SH3RF3: variants seen among roughly 807,000 people sequenced by gnomAD.
The protein encoded by SH3RF3 is SH3 domain containing ring finger 3.
In SH3RF3, 29 loss-of-function variants were observed where a neutral mutation model predicts 66.3. The observed-to-expected ratio is 0.44, with a 90% confidence interval of 0.33 to 0.60. The LOEUF (loss-of-function observed/expected upper bound fraction) is 0.60. Among genes scored for constraint, SH3RF3 ranks in the 20% least tolerant of loss-of-function variants. SH3RF3 has a pLI of 0.04. For synonymous variants in SH3RF3, 583 were observed against 532.0 expected (o/e 1.10, Z -1.32); for missense variants, 1,194 against 1,190.9 (o/e 1.00, Z -0.04).
chr2:109,221,581 CAAAAAAA>C (rs60310731), intron 1 of SH3RF3, among the ~76,000 whole-genome samples: 3 of 63,346 alleles, frequency 4.7e-5, no homozygotes, highest in Admixed American at 1.6e-4. Flanking sequence ...GACTCCATCT[CAAAAAAA>C]AAAAAAAAAA....
At chr2:109,137,781 A>T (rs1187507375) in intron 1 of SH3RF3, among the ~76,000 whole-genome samples, 2 of 152,164 alleles carry the variant, frequency 1.3e-5, no homozygotes, top group African/African-American at 4.8e-5. Flanking sequence ...GCGTTCAAAG[A>T]CTAATCGGTT....
intron 8 of SH3RF3, among the ~76,000 whole-genome samples, chr2:109,451,217 C>A (rs7586354): frequency 0.013 from 2,030 of 152,374 alleles, 48 homozygotes; most frequent in African/African-American, 0.047. Flanking sequence ...AGGGCAACAG[C>A]TGCTCTGTGT....
intron 8 of SH3RF3, among the ~76,000 whole-genome samples, chr2:109,467,893 G>A (rs972807278): frequency 6.6e-6 from 1 of 152,178 alleles, no homozygotes; most frequent in African/African-American, 2.4e-5. Context: ...TCAGATGCCT[G>A]TAGCCAGCTG....
At chr2:109,410,242 A>T (rs1452512073) in intron 4 of SH3RF3, among the ~76,000 whole-genome samples, 1 of 152,220 alleles carries the variant, frequency 6.6e-6, no homozygotes, top group Non-Finnish European at 1.5e-5. Flanking sequence ...TTGATGAAAC[A>T]CATCGCCGTC....
chr2:109,164,159 A>G (rs920787105), intron 1 of SH3RF3, among the ~76,000 whole-genome samples: 5 of 151,854 alleles, frequency 3.3e-5, no homozygotes, highest in Middle Eastern at 3.4e-3. Context: ...GAAAACTCTG[A>G]TGCCTCTCTC....
chr2:109,462,105 T>C (rs1678220880), intron 8 of SH3RF3, among the ~76,000 whole-genome samples: 1 of 151,190 alleles, frequency 6.6e-6, no homozygotes, highest in Admixed American at 6.6e-5. Flanking sequence ...GCAGGTGTCT[T>C]ACCAACAAAT....
At chr2:109,286,110 C>T (rs753209536) in intron 1 of SH3RF3, among the ~76,000 whole-genome samples, 2 of 152,186 alleles carry the variant, frequency 1.3e-5, no homozygotes, top group Non-Finnish European at 2.9e-5. Context: ...TAGGAAGGTG[C>T]TTGGACCCTG....
intron 8 of SH3RF3, among the ~76,000 whole-genome samples, chr2:109,456,808 AT>A (rs1242275830): frequency 6.6e-6 from 1 of 152,218 alleles, no homozygotes; most frequent in Non-Finnish European, 1.5e-5. Flanking sequence ...ACCAGGCTCC[AT>A]GGTACCCACA....
At chr2:109,458,088 A>G (rs111431902) in intron 8 of SH3RF3, among the ~76,000 whole-genome samples, 1 of 152,350 alleles carries the variant, frequency 6.6e-6, no homozygotes, top group African/African-American at 2.4e-5. Flanking sequence ...TGTAACCTCA[A>G]GGGAATAAGA....
At chr2:109,424,837 G>A (rs997235925) in intron 5 of SH3RF3, among the ~76,000 whole-genome samples, 3 of 152,186 alleles carry the variant, frequency 2.0e-5, no homozygotes, top group Admixed American at 6.5e-5. Flanking sequence ...TTTTAGTAAC[G>A]CTAAGTGACC....
chr2:109,268,742 T>A (rs1157691692), intron 1 of SH3RF3, among the ~76,000 whole-genome samples: 1 of 150,174 alleles, frequency 6.7e-6, no homozygotes, highest in Non-Finnish European at 1.5e-5. Flanking sequence ...TACTTTATTA[T>A]AAAAAAAAAA....
intron 1 of SH3RF3, among the ~76,000 whole-genome samples, chr2:109,148,108 A>G (rs1374451002): frequency 6.6e-6 from 1 of 152,202 alleles, no homozygotes; most frequent in African/African-American, 2.4e-5. Flanking sequence ...GCCGGGTCCT[A>G]CACAGCCCCC....
At chr2:109,168,067 A>G (rs958954367) in intron 1 of SH3RF3, among the ~76,000 whole-genome samples, 2 of 152,206 alleles carry the variant, frequency 1.3e-5, no homozygotes, top group African/African-American at 4.8e-5. Context: ...CATTTACTAA[A>G]ATGAAATCAT....
At chr2:109,136,311 T>G (rs1161466822) in intron 1 of SH3RF3, among the ~76,000 whole-genome samples, 2 of 152,148 alleles carry the variant, frequency 1.3e-5, no homozygotes, top group East Asian at 3.9e-4. Flanking sequence ...TCAATTTTTA[T>G]CAGATTTGCC....
chr2:109,492,186 G>A (rs542704832), intron 9 of SH3RF3, among the ~76,000 whole-genome samples: 18 of 152,238 alleles, frequency 1.2e-4, no homozygotes, highest in Admixed American at 5.9e-4. Flanking sequence ...TTTAAATTTC[G>A]TACAATTTTC....
At chr2:109,326,751 A>T (rs1682169536) in intron 1 of SH3RF3, among the ~76,000 whole-genome samples, 1 of 152,186 alleles carries the variant, frequency 6.6e-6, no homozygotes. Context: ...CCACTGTTCT[A>T]AGTGGTTCTG....
At chr2:109,171,557 A>G (rs1677784398) in intron 1 of SH3RF3, among the ~76,000 whole-genome samples, 1 of 152,212 alleles carries the variant, frequency 6.6e-6, no homozygotes, top group African/African-American at 2.4e-5. Context: ...AGGGAAGTGC[A>G]TTAGAACACG....
chr2:109,457,814 G>T (rs767258492), intron 8 of SH3RF3, among the ~76,000 whole-genome samples: 1 of 152,094 alleles, frequency 6.6e-6, no homozygotes, highest in South Asian at 2.1e-4. Flanking sequence ...AAAAACAAGC[G>T]CACACCCCAT....
chr2:109,442,099 C>T (rs1281437638), intron 7 of SH3RF3, among the ~76,000 whole-genome samples: 1 of 151,890 alleles, frequency 6.6e-6, no homozygotes, highest in Non-Finnish European at 1.5e-5. Context: ...ATCACGAGGT[C>T]AGGAGATTGA....
Sources: gnomAD v4.1 joint callset for allele counts (sites outside exome capture counted in the v4.1 genomes callset) on GRCh38, gnomAD v4.1.1 for gene constraint, MANE v1.5 for transcripts, NCBI Gene and HGNC (gene_info 2026-07-23, HGNC 2026-07-21) for gene names.